PRKG1: variants seen among roughly 807,000 people sequenced by gnomAD.
PRKG1 encodes the protein protein kinase cGMP-dependent 1, also known as cGMP-dependent protein kinase 1.
In PRKG1, 35 loss-of-function variants were observed where a neutral mutation model predicts 88.1. That is an observed-to-expected ratio of 0.40 (90% CI 0.30 to 0.53). PRKG1 has a LOEUF of 0.53. Ranked by LOEUF, PRKG1 falls within the 20% of genes least tolerant of loss-of-function variation. The probability of loss-of-function intolerance (pLI) is 0.59; values close to 1 mark genes in which losing one functional copy is unlikely to be tolerated. For missense variants in PRKG1, 540 were observed against 839.8 expected (o/e 0.64, Z 4.41); for synonymous variants, 303 against 292.5 (o/e 1.04, Z -0.37).
intron 2 of PRKG1, among the ~76,000 whole-genome samples, chr10:51,174,684 G>C (rs374564385): frequency 6.6e-6 from 1 of 151,990 alleles, no homozygotes; most frequent in South Asian, 2.1e-4. Context: ...TGGTCTTAAA[G>C]AACTGCTTAA....
At chr10:51,817,102 C>T (rs1219025312) in intron 4 of PRKG1, among the ~76,000 whole-genome samples, 2 of 152,030 alleles carry the variant, frequency 1.3e-5, no homozygotes, top group African/African-American at 2.4e-5. Context: ...GTTTTATGTG[C>T]GTTGAACTCT....
chr10:51,577,000 T>C (rs7918714), intron 3 of PRKG1, among the ~76,000 whole-genome samples: 10,509 of 152,016 alleles, frequency 0.069, 1,195 homozygotes, highest in African/African-American at 0.24. Context: ...CTAATACTTT[T>C]TTAAAAAATA....
At chr10:51,104,857 G>C (rs1844790905) in intron 1 of PRKG1, among the ~76,000 whole-genome samples, 1 of 151,894 alleles carries the variant, frequency 6.6e-6, no homozygotes, top group African/African-American at 2.4e-5. Context: ...AGCCTCCCAA[G>C]TAGCTGGGAT....
intron 4 of PRKG1, among the ~76,000 whole-genome samples, chr10:51,812,883 G>C (rs1253207735): frequency 6.6e-6 from 1 of 152,082 alleles, no homozygotes; most frequent in African/African-American, 2.4e-5. Context: ...GTAGTTGTAA[G>C]AGGATCAGCT....
intron 1 of PRKG1, among the ~76,000 whole-genome samples, chr10:51,093,166 G>A (rs557793001): frequency 5.9e-5 from 9 of 152,242 alleles, no homozygotes; most frequent in African/African-American, 1.4e-4. Flanking sequence ...CAGCTTCAGC[G>A]TCACCTGGGA....
chr10:51,953,704 A>G (rs139080160), intron 5 of PRKG1, among the ~76,000 whole-genome samples: 15 of 152,134 alleles, frequency 9.9e-5, no homozygotes, highest in Admixed American at 9.8e-4. Flanking sequence ...GAAACACCAT[A>G]TTGTGTGTGC....
At chr10:51,960,604 TAAA>T (rs1843423882) in intron 5 of PRKG1, among the ~76,000 whole-genome samples, 2 of 151,756 alleles carry the variant, frequency 1.3e-5, no homozygotes, top group South Asian at 4.2e-4. Context: ...ATTGGTAAAA[TAAA>T]GACGACGTAA....
chr10:51,177,452 G>A (rs775254666), intron 2 of PRKG1, among the ~76,000 whole-genome samples: 8 of 152,188 alleles, frequency 5.3e-5, no homozygotes, highest in Middle Eastern at 3.4e-3. Context: ...ATGACTAAGG[G>A]TAGTAAACAG....
chr10:52,232,104 A>G (rs969951290), intron 9 of PRKG1, among the ~76,000 whole-genome samples: 6 of 152,130 alleles, frequency 3.9e-5, no homozygotes, highest in African/African-American at 1.4e-4. Flanking sequence ...GGAGTTCGAG[A>G]CCAGCCTGGC....
intron 3 of PRKG1, among the ~76,000 whole-genome samples, chr10:51,495,295 A>T (rs533244702): frequency 3.3e-5 from 5 of 152,200 alleles, no homozygotes; most frequent in Middle Eastern, 3.4e-3. Context: ...GTGTTTCACC[A>T]TGTTGGTCAG....
At chr10:51,321,379 A>G (rs185075775) in intron 2 of PRKG1, among the ~76,000 whole-genome samples, 7 of 152,314 alleles carry the variant, frequency 4.6e-5, no homozygotes, top group African/African-American at 1.4e-4. Context: ...AACAATAACT[A>G]TTAACCATAC....
At chr10:52,279,700 C>T (rs1160488996) in intron 12 of PRKG1, among the ~76,000 whole-genome samples, 2 of 152,054 alleles carry the variant, frequency 1.3e-5, no homozygotes, top group Non-Finnish European at 2.9e-5. Flanking sequence ...ATCAGAGACT[C>T]ATGAAAGCAA....
chr10:52,012,142 T>C (rs1347248543), intron 5 of PRKG1, among the ~76,000 whole-genome samples: 1 of 152,214 alleles, frequency 6.6e-6, no homozygotes, highest in Non-Finnish European at 1.5e-5. Flanking sequence ...TTGTCTAGTT[T>C]AGTGATATTC....
intron 3 of PRKG1, among the ~76,000 whole-genome samples, chr10:51,755,495 G>A (rs1194648864): frequency 6.6e-6 from 1 of 152,260 alleles, no homozygotes; most frequent in African/African-American, 2.4e-5. Context: ...AGCAACAGCA[G>A]CAGCAGCAAC....
chr10:51,508,521 G>A (rs567676135), intron 3 of PRKG1, among the ~76,000 whole-genome samples: 8 of 152,078 alleles, frequency 5.3e-5, no homozygotes, highest in African/African-American at 1.9e-4. Flanking sequence ...ATTTTTTAAA[G>A]CAGTCACTTT....
intron 4 of PRKG1, among the ~76,000 whole-genome samples, chr10:51,885,866 A>G (rs1841556274): frequency 6.6e-6 from 1 of 152,106 alleles, no homozygotes. Flanking sequence ...AGACGTTATT[A>G]TATTATAAAT....
chr10:51,728,453 GTTTTTTTTT>G (rs56975031), intron 3 of PRKG1, among the ~76,000 whole-genome samples: 1 of 58,806 alleles, frequency 1.7e-5, no homozygotes, highest in African/African-American at 6.2e-5. Flanking sequence ...TTTTTTCTTT[GTTTTTTTTT>G]TTTTTTTTTT....
intron 2 of PRKG1, among the ~76,000 whole-genome samples, chr10:51,389,757 T>C (rs552548132): frequency 3.7e-4 from 57 of 152,290 alleles, no homozygotes; most frequent in African/African-American, 1.3e-3. Flanking sequence ...AGATGGATTA[T>C]TGAGTAATAC....
intron 3 of PRKG1, among the ~76,000 whole-genome samples, chr10:51,716,409 A>G (rs1028462902): frequency 3.3e-5 from 5 of 152,174 alleles, no homozygotes; most frequent in Admixed American, 3.3e-4. Flanking sequence ...GTATCTGGAC[A>G]GTCATGTACC....
Sources: gnomAD v4.1 joint callset for allele counts (sites outside exome capture counted in the v4.1 genomes callset) on GRCh38, gnomAD v4.1.1 for gene constraint, MANE v1.5 for transcripts, NCBI Gene and HGNC (gene_info 2026-07-23, HGNC 2026-07-21) for gene names.